CSNK2A1: variants seen among roughly 807,000 people sequenced by gnomAD.
The protein encoded by CSNK2A1 is casein kinase II subunit alpha.
CSNK2A1 carries 10 observed loss-of-function variants against 62.9 expected under a neutral mutation model. The observed-to-expected ratio is 0.16, with a 90% CI of 0.10 to 0.27. The LOEUF (loss-of-function observed/expected upper bound fraction) is 0.27. Ranked by LOEUF, CSNK2A1 falls within the 10% of genes least tolerant of loss-of-function variation. The pLI, the probability that CSNK2A1 is intolerant of heterozygous loss-of-function variation, is 1.00. For missense variants in CSNK2A1, 160 were observed against 492.0 expected (o/e 0.33, Z 6.38); for synonymous variants, 124 against 167.8 (o/e 0.74, Z 2.02).
chr20:523,674 A>G (rs909025461), intron 2 of CSNK2A1, among the ~76,000 whole-genome samples: 11 of 151,286 alleles, frequency 7.3e-5, no homozygotes, highest in Non-Finnish European at 1.2e-4. Context: ...GATGGATCAC[A>G]AGGTCAGGAG....
rs765790006 is a variant in CSNK2A1, at chr20:483,405, G to C, written c.*556C>G. 5.3e-5 allele frequency: 8 copies of C among 152,360 alleles called. No homozygotes were observed. The highest frequency in any genetic ancestry group is 1.9e-4 in the African/African-American group (8 of 41,420). 9.4% of individuals were successfully genotyped at this position (152,360 alleles called of 1,614,324 possible). A position where few individuals can be genotyped will look rare whatever the true frequency, so the allele number is the denominator to read the frequency against. ...GCCACTAGGATAACCCCACTGAAGC[G>C]CTTATGGAGTAAAGTGATGTAAGCG... On this transcript the variant is annotated 3_prime_UTR_variant, in exon 14 of 14. Transcript: ENST00000217244.
intron 1 of CSNK2A1, among the ~76,000 whole-genome samples, chr20:537,561 G>A (rs1418924071): frequency 6.6e-6 from 1 of 151,970 alleles, no homozygotes; most frequent in African/African-American, 2.4e-5. Context: ...ATAACCCAAT[G>A]AAAATACATC....
chr20:518,533 CTATTTT>C (rs1419316653), intron 2 of CSNK2A1, among the ~76,000 whole-genome samples: 3 of 151,894 alleles, frequency 2.0e-5, no homozygotes, highest in Non-Finnish European at 4.4e-5. Flanking sequence ...CTACAAATAT[CTATTTT>C]TATTTTTATT....
At chr20:508,194 G>A (rs1600391899) in intron 3 of CSNK2A1, 4 of 395,998 alleles carry the variant, frequency 1.0e-5, no homozygotes, top group South Asian at 3.4e-5. Context: ...GTGCACGACT[G>A]CATATACATC....
rs150398280 is a variant in CSNK2A1 at position 488,685 on chromosome 20, A to G, written c.817T>C (p.Leu273=). 3.1e-6 allele frequency: 5 copies of G among 1,613,668 alleles called. No individual in the cohort carries two copies. In the Admixed American group the frequency reaches 8.3e-5, roughly 27 times the overall value. Residue 273 remains leucine (L), a synonymous_variant, in exon 11 of 14, where the codon TTG becomes CTG. Transcript: ENST00000217244. ...IELDPRFNDI[L]GRHSRKRWER... ...TTTTGTTTCATGACTTACCTGCCCA[A>G]GATATCATTGAAACGTGGATCTAAT...
intron 4 of CSNK2A1, chr20:504,896 C>A: frequency 2.1e-6 from 1 of 471,150 alleles, no homozygotes; most frequent in Non-Finnish European, 3.7e-6. Flanking sequence ...CTTACTCTGC[C>A]ACAACCTAGC....
intron 2 of CSNK2A1, among the ~76,000 whole-genome samples, chr20:512,982 A>G (rs368377679): frequency 1.4e-4 from 22 of 152,348 alleles, no homozygotes; most frequent in African/African-American, 5.3e-4. Flanking sequence ...CTCTGTGACT[A>G]CTATGCCTGC....
chr20:505,668 ATTTTT>A (rs11484480), intron 3 of CSNK2A1, among the ~76,000 whole-genome samples: 1 of 142,536 alleles, frequency 7.0e-6, no homozygotes, highest in Non-Finnish European at 1.5e-5. Flanking sequence ...GGCCCATTGT[ATTTTT>A]TTTTTTTTTA....
At chr20:531,751 G>A (rs775991850) in intron 1 of CSNK2A1, among the ~76,000 whole-genome samples, 11 of 152,164 alleles carry the variant, frequency 7.2e-5, no homozygotes, top group Non-Finnish European at 1.3e-4. Context: ...CCTGAAGGAA[G>A]ACAAGAAGAC....
intron 1 of CSNK2A1, among the ~76,000 whole-genome samples, chr20:541,253 T>C (rs1017149744): frequency 6.6e-6 from 1 of 152,200 alleles, no homozygotes; most frequent in African/African-American, 2.4e-5. Context: ...ATTTTTCTAT[T>C]TTAAGATTCT....
intron 2 of CSNK2A1, among the ~76,000 whole-genome samples, chr20:510,014 G>A (rs2018684398): frequency 6.6e-6 from 1 of 152,292 alleles, no homozygotes; most frequent in African/African-American, 2.4e-5. Flanking sequence ...TTGCATAAAT[G>A]CAATACTCTA....
intron 9 of CSNK2A1, among the ~76,000 whole-genome samples, chr20:490,353 G>GTTTTTTTTTTTTTTTTTTTT (rs373775413): frequency 3.7e-5 from 2 of 53,496 alleles, no homozygotes; most frequent in African/African-American, 2.2e-4. Context: ...TTTTTTTTTA[G>GTTTTTTTTTTTTTTTTTTTT]TTTTTTTTTT....
At chr20:530,672 G>A (rs1391769221) in intron 1 of CSNK2A1, among the ~76,000 whole-genome samples, 3 of 151,876 alleles carry the variant, frequency 2.0e-5, no homozygotes, top group Non-Finnish European at 4.4e-5. Context: ...ACAGGGTTTC[G>A]CCATGTTGCC....
intron 12 of CSNK2A1, chr20:486,709 A>T (rs1234074150): frequency 6.4e-6 from 3 of 470,168 alleles, no homozygotes; most frequent in South Asian, 2.7e-5. Context: ...TGAGGTAATT[A>T]TTTATAGCAG....
chr20:539,255 T>A (rs2019398250), intron 1 of CSNK2A1: 1 of 152,198 alleles, frequency 6.6e-6, no homozygotes, highest in South Asian at 2.1e-4. Context: ...ATCCAGTGGG[T>A]GGGTTCCCTG....
At chr20:486,270 G>A in intron 13 of CSNK2A1, 106 bp downstream of exon 13, 1 of 1,308,858 alleles carries the variant, frequency 7.6e-7, no homozygotes. Flanking sequence ...AAAGTCACAA[G>A]GCCACCAGTA....
chr20:484,042 T>C lies in CSNK2A1; in HGVS notation c.1095A>G (p.Gly365=). ...CAATCACTGGTGAGCCTGCCAGAGG[T>C]CCAAGGGGTGAAGGGGTTGGCACTG... ...ISSVPTPSPL[G]PLAGSPVIAA... The change falls in exon 14 of 14, where the codon GGA becomes GGG. Residue 365 remains glycine (G), a synonymous_variant. Transcript: ENST00000217244. The C allele has an allele frequency of 6.2e-7, 1 of 1,611,150 alleles. No individual in the cohort carries two copies. The highest frequency in any genetic ancestry group is 8.5e-7 in the Non-Finnish European group (1 of 1,178,734).
Position 499,764 on chromosome 20 carries a change from G to T in CSNK2A1, c.315+69C>A. 1.4e-6 allele frequency: 2 copies of T among 1,452,186 alleles called. No individual in the cohort carries two copies. Among genetic ancestry groups the T allele is most frequent in the Non-Finnish European group, 1.9e-6 (2 of 1,037,732 alleles). 90.0% of individuals were successfully genotyped at this position (1,452,186 alleles called of 1,614,324 possible). A position where few individuals can be genotyped will look rare whatever the true frequency, so the allele number is the denominator to read the frequency against. The stretch of plus-strand genomic sequence containing the variant: ...AGGGTTGGGGGAGGGAACAAAAAGA[G>T]GCCAGTTGTGCTCCAGGTCAAACAC... On this transcript the variant is annotated intron_variant, in intron 5 of 13. Coordinates refer to ENST00000217244, the MANE Select transcript of CSNK2A1 (RefSeq NM_177559.3). This position sits in a 1 kb window ranked among gnomAD's most constrained non-coding sequence, Gnocchi z 4.2.
At chr20:500,471 G>GCAAA in intron 4 of CSNK2A1, 1 of 160,176 alleles carries the variant, frequency 6.2e-6, no homozygotes, top group South Asian at 1.7e-4. Flanking sequence ...GCTGTTAATG[G>GCAAA]CAAACTACAT....
Sources: gnomAD v4.1 joint callset for allele counts (sites outside exome capture counted in the v4.1 genomes callset) on GRCh38, gnomAD v4.1.1 for gene constraint, Gnocchi (gnomAD v3.1) non-coding constraint, MANE v1.5 for transcripts, NCBI Gene and HGNC (gene_info 2026-07-23, HGNC 2026-07-21) for gene names.